Variants in BAZ2B observed in about 807,000 individuals in gnomAD.
BAZ2B encodes the protein bromodomain adjacent to zinc finger domain 2B, also known as bromodomain adjacent to zinc finger domain protein 2B.
In BAZ2B, 91 loss-of-function variants were observed where a neutral mutation model predicts 246.0. The observed-to-expected ratio is 0.37, with a 90% CI of 0.31 to 0.44. The LOEUF (loss-of-function observed/expected upper bound fraction) is 0.44, where lower values mean the gene tolerates loss of function less well. BAZ2B is among the 20% of genes least tolerant of loss of function. BAZ2B has a pLI of 1.00. For synonymous variants in BAZ2B, 855 were observed against 860.0 expected (o/e 0.99, Z 0.10); for missense variants, 2,332 against 2,533.7 (o/e 0.92, Z 1.71).
At chr2:159,652,610 C>T in the BAZ2B span, among the ~76,000 whole-genome samples, 2 of 152,082 alleles carry the variant, frequency 1.3e-5, no homozygotes, top group Non-Finnish European at 2.9e-5. Context: ...GTTGAGCATG[C>T]AAGAAATATT....
chr2:159,358,298 G>C (rs1475492688), intron 27 of BAZ2B, among the ~76,000 whole-genome samples: 1 of 152,118 alleles, frequency 6.6e-6, no homozygotes, highest in Non-Finnish European at 1.5e-5. Flanking sequence ...AGCAAAAACA[G>C]AAGGGGTTGC....
At chr2:159,654,314 G>A in the BAZ2B span, among the ~76,000 whole-genome samples, 1 of 152,156 alleles carries the variant, frequency 6.6e-6, no homozygotes, top group African/African-American at 2.4e-5. Flanking sequence ...ACATAAAGAA[G>A]CAGGAGCACA....
chr2:159,603,846 G>C (rs1233863438), intron 1 of BAZ2B, among the ~76,000 whole-genome samples: 1 of 152,022 alleles, frequency 6.6e-6, no homozygotes, highest in Non-Finnish European at 1.5e-5. Context: ...TCACTCTATG[G>C]CCACTCCTGT....
the BAZ2B span, among the ~76,000 whole-genome samples, chr2:159,655,117 A>G: frequency 3.9e-5 from 6 of 152,108 alleles, no homozygotes; most frequent in African/African-American, 1.4e-4. Context: ...TAACAAAATA[A>G]CTTAAACAAA....
intron 1 of BAZ2B, among the ~76,000 whole-genome samples, chr2:159,604,025 C>T (rs542944592): frequency 1.4e-4 from 21 of 152,106 alleles, no homozygotes; most frequent in African/African-American, 4.8e-4. Context: ...CAATGCTTTT[C>T]TGTATTTTTA....
At chr2:159,365,050 T>C (rs2060082336) in intron 27 of BAZ2B, among the ~76,000 whole-genome samples, 1 of 152,190 alleles carries the variant, frequency 6.6e-6, no homozygotes, top group Non-Finnish European at 1.5e-5. Flanking sequence ...GGTTACTGTG[T>C]CTCCTGCATT....
the BAZ2B span, among the ~76,000 whole-genome samples, chr2:159,666,664 T>A: frequency 1.3e-5 from 2 of 152,176 alleles, no homozygotes; most frequent in East Asian, 3.8e-4. Context: ...GAGACCAGCC[T>A]GGCCAACACA....
chr2:159,478,591 A>T lies in BAZ2B; in HGVS notation c.129T>A (p.Ser43=). The change falls in exon 3 of 37, where the codon TCT becomes TCA. Residue 43 remains serine (S), a synonymous_variant. Transcript: ENST00000392783. ...GLSTGVASLS[S]TINPCGHLFR... Reference sequence around the variant, plus strand: ...GGTATTCACCACATGGGTTGATTGTAGAGCTAAGTGAAGCAACTCCAGTGG... The same window carrying T: ...GGTATTCACCACATGGGTTGATTGTTGAGCTAAGTGAAGCAACTCCAGTGG... 6.2e-7 allele frequency: 1 copy of T among 1,608,566 alleles called. No individual in the cohort carries two copies. Among genetic ancestry groups the T allele is most frequent in the Non-Finnish European group, 8.5e-7 (1 of 1,177,774 alleles).
chr2:159,691,150 C>A, the BAZ2B span, among the ~76,000 whole-genome samples: 1 of 152,130 alleles, frequency 6.6e-6, no homozygotes, highest in African/African-American at 2.4e-5. Context: ...AAGGTCTTTG[C>A]AGCATCTACG....
the BAZ2B span, among the ~76,000 whole-genome samples, chr2:159,622,252 G>A: frequency 9.4e-6 from 1 of 106,394 alleles, no homozygotes; most frequent in South Asian, 3.5e-4. Context: ...GCAACAGAGT[G>A]AGTACTGTCT....
the BAZ2B span, among the ~76,000 whole-genome samples, chr2:159,696,000 A>G: frequency 6.6e-6 from 1 of 152,056 alleles, no homozygotes; most frequent in African/African-American, 2.4e-5. Flanking sequence ...ACCTCAAGCG[A>G]TCCCCAACCT....
chr2:159,320,394 A>G lies in BAZ2B; in HGVS notation c.6378T>C (p.Ala2126=). ...SGQYPNLETF[A]LDVRLVFDNC... is the part of the protein sequence containing the mutation. ...TGTCAAAAACAAGCCTGACATCTAG[A>G]GCAAAGGTTTCAAGGTTTGGATACC... The change falls in exon 37 of 37, where the codon GCT becomes GCC. Residue 2126 remains alanine, a synonymous_variant. Transcript: ENST00000392783. 1.9e-6 allele frequency: 3 copies of G among 1,574,140 alleles called. No individual in the cohort carries two copies. The highest frequency in any genetic ancestry group is 2.6e-6 in the Non-Finnish European group (3 of 1,168,738).
At chr2:159,586,096 A>G (rs72960265) in intron 1 of BAZ2B, among the ~76,000 whole-genome samples, 351 of 152,318 alleles carry the variant, frequency 2.3e-3, no homozygotes, top group Non-Finnish European at 3.9e-3. Flanking sequence ...TTGTTTTTAC[A>G]CTAATTATTT....
chr2:159,383,832 G>C, intron 23 of BAZ2B, 152 bp from the exon 24 acceptor site: 1 of 627,618 alleles, frequency 1.6e-6, no homozygotes, highest in South Asian at 2.0e-5. Context: ...GTTCATATAT[G>C]TATGTGTTTA....
chr2:159,464,218 A>G (rs898900694), intron 3 of BAZ2B: 1 of 152,108 alleles, frequency 6.6e-6, no homozygotes, highest in African/African-American at 2.4e-5. Flanking sequence ...TTTCCCACCA[A>G]TGTCACTTCT....
intron 35 of BAZ2B, 81 bp from the exon 36 acceptor site, chr2:159,325,035 TA>T: frequency 4.5e-5 from 1 of 22,228 alleles, no homozygotes. Context: ...TCAGTTATTA[TA>T]TATATATTAT....
chr2:159,394,548 G>A (rs1383503291), intron 20 of BAZ2B, among the ~76,000 whole-genome samples: 2 of 152,158 alleles, frequency 1.3e-5, no homozygotes, highest in African/African-American at 2.4e-5. Flanking sequence ...TTTAGGAAAC[G>A]TCACAGAAAG....
chr2:159,591,788 GT>G (rs1689449379), intron 1 of BAZ2B, among the ~76,000 whole-genome samples: 1 of 152,138 alleles, frequency 6.6e-6, no homozygotes, highest in African/African-American at 2.4e-5. Context: ...AGTACTTTAA[GT>G]AATGCTTTTT....
At chr2:159,432,635 G>C (rs2071353708) in intron 9 of BAZ2B, 122 bp downstream of exon 9, 3 of 1,315,634 alleles carry the variant, frequency 2.3e-6, no homozygotes, top group Non-Finnish European at 2.1e-6. Context: ...TTATAGAAAT[G>C]CACAAAGTTG....
Sources: allele counts gnomAD v4.1 joint callset (sites outside exome capture counted in the v4.1 genomes callset), GRCh38; gene constraint gnomAD v4.1.1; transcripts MANE v1.5; gene names NCBI Gene and HGNC (gene_info 2026-07-23, HGNC 2026-07-21).